MYO5B: variants seen among roughly 807,000 people sequenced by gnomAD.
MYO5B encodes myosin VB.
MYO5B carries 143 observed loss-of-function variants against 229.3 expected under a neutral mutation model. That is an observed-to-expected ratio of 0.62 (90% CI 0.54 to 0.72). The LOEUF (loss-of-function observed/expected upper bound fraction) is 0.72. Among genes scored for constraint, MYO5B ranks in the 30% least tolerant of loss-of-function variants. MYO5B has a pLI of 0.00. For synonymous variants in MYO5B, 918 were observed against 885.2 expected (o/e 1.04, Z -0.66); for missense variants, 2,321 against 2,331.0 (o/e 1.00, Z 0.09).
In MYO5B at chr18:49,843,425, A is replaced by T. The variant is rs1379772998; in HGVS notation, c.4460-33T>A. 3 of 1,613,278 alleles carry T rather than the reference A, an allele frequency of 1.9e-6. No homozygotes were observed. In the African/African-American group the frequency reaches 4.0e-5, roughly 22 times the overall value. The stretch of plus-strand genomic sequence containing the variant: ...CAACGAGAGCAGCAAATGGCAAGTT[A>T]GATCTATGGGGGACAATGGAGGCTG... On this transcript the variant is annotated intron_variant, in intron 33 of 39. Coordinates refer to ENST00000285039, the MANE Select transcript of MYO5B (RefSeq NM_001080467.3).
At chr18:49,865,315 G>A (rs144011151) in intron 27 of MYO5B, among the ~76,000 whole-genome samples, 1 of 152,246 alleles carries the variant, frequency 6.6e-6, no homozygotes, top group Admixed American at 6.5e-5. Context: ...CCTGGTCCAG[G>A]GCGCCCCTGT....
Position 49,864,379 on chromosome 18 carries a change from C to A in MYO5B, c.3605G>T (p.Arg1202Met). 4 of 1,613,144 alleles carry A rather than the reference C, an allele frequency of 2.5e-6. No homozygotes were observed. The highest frequency in any genetic ancestry group is 2.5e-6 in the Non-Finnish European group (3 of 1,180,040). The change falls in exon 28 of 40, where the codon AGG becomes ATG. Residue 1202 changes from arginine to methionine, a missense_variant and splice_region_variant. Arg to Met is a moderately conservative substitution (Grantham distance 91). This residue lies in a region of MYO5B where 2,113 missense variants were observed against 2,044.7 expected (regional missense o/e 1.03). Transcript: ENST00000285039. ...TTTGTTCTCTGACTCCAGCTCTTGC[C>A]TCTGGAAGACAGCCCAAGGGCCGCT... Reference protein sequence around the residue: ...NADLAYNSLKRQELESENKKL... With the variant: ...NADLAYNSLKMQELESENKKL...
intron 1 of MYO5B, among the ~76,000 whole-genome samples, chr18:50,072,574 T>A (rs2030983337): frequency 6.6e-6 from 1 of 152,094 alleles, no homozygotes; most frequent in Non-Finnish European, 1.5e-5. Context: ...CACAAGGGCA[T>A]CAAAAGAGAA....
At chr18:50,123,299 C>G (rs928316309) in intron 1 of MYO5B, among the ~76,000 whole-genome samples, 2 of 152,158 alleles carry the variant, frequency 1.3e-5, no homozygotes, top group Admixed American at 6.5e-5. Flanking sequence ...GAAATGGGTA[C>G]AGGTCTCCTT....
At chr18:49,987,917 G>A (rs1346892185) in intron 7 of MYO5B, among the ~76,000 whole-genome samples, 1 of 152,074 alleles carries the variant, frequency 6.6e-6, no homozygotes, top group Non-Finnish European at 1.5e-5. Flanking sequence ...TTATTCTAGG[G>A]TATTGACCTT....
chr18:49,908,466 A>C (rs533981653), intron 18 of MYO5B, among the ~76,000 whole-genome samples: 1 of 152,122 alleles, frequency 6.6e-6, no homozygotes, highest in South Asian at 2.1e-4. Flanking sequence ...TGAAGCCTAG[A>C]GTAGTGAAGT....
intron 36 of MYO5B, among the ~76,000 whole-genome samples, chr18:49,838,840 T>C (rs2024021670): frequency 6.6e-6 from 1 of 152,256 alleles, no homozygotes; most frequent in South Asian, 2.1e-4. Flanking sequence ...GCTTTTTCAC[T>C]GTATATGCAT....
rs2144281501 is a variant in MYO5B at position 49,974,402 on chromosome 18, G to A, written c.1270C>T (p.Leu424=). Residue 424 remains leucine, a synonymous_variant, in exon 10 of 40, where the codon CTG becomes TTG. Transcript: ENST00000285039. ...GWIVEHINKA[L]HTSLKQHSFI... is the part of the protein sequence containing the mutation. ...GAGTGCTGCTTGAGGGAGGTGTGCA[G>A]GGCCTTGTTGATGTGCTCCACAATC... 6.2e-7 allele frequency: 1 copy of A among 1,614,198 alleles called. No individual in the cohort carries two copies. The highest frequency in any genetic ancestry group is 8.5e-7 in the Non-Finnish European group (1 of 1,180,026).
intron 1 of MYO5B, among the ~76,000 whole-genome samples, chr18:50,185,461 A>G (rs1363692593): frequency 6.6e-6 from 1 of 152,250 alleles, no homozygotes; most frequent in Non-Finnish European, 1.5e-5. Flanking sequence ...ATGAGGTTAC[A>G]AGAACAATCT....
intron 23 of MYO5B, among the ~76,000 whole-genome samples, 199 bp downstream of exon 23, chr18:49,880,172 G>T (rs539822098): frequency 6.6e-6 from 1 of 152,146 alleles, no homozygotes; most frequent in Non-Finnish European, 1.5e-5. Flanking sequence ...CCCATTATAC[G>T]TGTCTCACCT....
intron 30 of MYO5B, among the ~76,000 whole-genome samples, chr18:49,855,930 T>C (rs1057477900): frequency 2.0e-5 from 3 of 152,242 alleles, no homozygotes; most frequent in Non-Finnish European, 2.9e-5. Context: ...TGCCACCTTG[T>C]TGAGTCCCGG....
chr18:49,884,787 C>A (rs772760941), intron 22 of MYO5B, among the ~76,000 whole-genome samples: 7 of 152,086 alleles, frequency 4.6e-5, no homozygotes, highest in Admixed American at 2.0e-4. Context: ...TCACTTGCAA[C>A]TCAACAATAA....
chr18:50,153,605 A>G (rs2032633766), intron 1 of MYO5B, among the ~76,000 whole-genome samples: 1 of 152,138 alleles, frequency 6.6e-6, no homozygotes, highest in South Asian at 2.1e-4. Context: ...GCATGCCACC[A>G]CGCCTGGCTA....
At chr18:50,152,198 C>G (rs530421527) in intron 1 of MYO5B, among the ~76,000 whole-genome samples, 177 of 152,302 alleles carry the variant, frequency 1.2e-3, no homozygotes, top group African/African-American at 4.0e-3. Flanking sequence ...GTGCCTCCCC[C>G]ACCCCGTGTT....
Position 50,088,817 on chromosome 18 carries a change from T to TCAA in MYO5B, c.28-33442_28-33440dup, listed in dbSNP as rs577944981. Among the ~76,000 whole-genome samples, 327 of 152,330 alleles carry TCAA rather than the reference T, an allele frequency of 2.1e-3. 1 individual carries two copies. Among genetic ancestry groups the TCAA allele is most frequent in the African/African-American group, 7.5e-3 (311 of 41,574 alleles). ...TTTGCATATCTATCTTATCTATCCA[T>TCAA]CAACACACTTCTTTTGAAGAAAGCC... On this transcript the variant is annotated intron_variant, in intron 1 of 39. Transcript: ENST00000285039.
At chr18:49,874,293 C>G (rs4939598) in intron 26 of MYO5B, among the ~76,000 whole-genome samples, 1 of 152,034 alleles carries the variant, frequency 6.6e-6, no homozygotes, top group African/African-American at 2.4e-5. Context: ...CCAAAATTAG[C>G]TGGCATGTCT....
intron 29 of MYO5B, among the ~76,000 whole-genome samples, chr18:49,857,887 C>CT (rs996653242): frequency 6.6e-6 from 1 of 152,198 alleles, no homozygotes; most frequent in African/African-American, 2.4e-5. Context: ...CAGCAGGACT[C>CT]TGCCGCACCT....
chr18:50,054,766 T>C (rs1217888161), intron 2 of MYO5B, among the ~76,000 whole-genome samples: 1 of 152,226 alleles, frequency 6.6e-6, no homozygotes, highest in Non-Finnish European at 1.5e-5. Context: ...ACTTGCCACA[T>C]ATTAACCCAT....
intron 22 of MYO5B, among the ~76,000 whole-genome samples, chr18:49,888,846 C>G (rs1463733157): frequency 6.6e-6 from 1 of 152,236 alleles, no homozygotes; most frequent in Admixed American, 6.5e-5. Flanking sequence ...GGGAAACATT[C>G]CTGTACCACA....
Sources: gnomAD v4.1 joint callset for allele counts (sites outside exome capture counted in the v4.1 genomes callset) on GRCh38, gnomAD v4.1.1 for gene constraint, gnomAD v4.1.1 regional missense constraint, MANE v1.5 for transcripts, NCBI Gene and HGNC (gene_info 2026-07-23, HGNC 2026-07-21) for gene names.